ZRANB3: variants seen among roughly 807,000 people sequenced by gnomAD.
ZRANB3 encodes DNA annealing helicase and endonuclease ZRANB3.
In ZRANB3, 125 loss-of-function variants were observed where a neutral mutation model predicts 133.8. The ratio of observed to expected loss-of-function variants is 0.93; its 90% CI spans 0.81 to 1.08. The LOEUF is 1.08. Among genes scored for constraint, ZRANB3 ranks in the 50% least tolerant of loss-of-function variants. ZRANB3 has a pLI of 0.00. For synonymous variants in ZRANB3, 387 were observed against 432.7 expected, an observed-to-expected ratio of 0.89 and a Z score of 1.31; for missense variants, 1,229 against 1,275.5, an observed-to-expected ratio of 0.96 and a Z score of 0.56.
intron 12 of ZRANB3, among the ~76,000 whole-genome samples, chr2:135,256,804 G>A (rs894337800): frequency 3.9e-5 from 6 of 152,146 alleles, no homozygotes; most frequent in Admixed American, 2.0e-4. Context: ...GGCAGGACTG[G>A]TTTCACAACA....
chr2:135,319,049 G>C (rs778061926), intron 6 of ZRANB3, among the ~76,000 whole-genome samples: 7 of 152,188 alleles, frequency 4.6e-5, no homozygotes, highest in Non-Finnish European at 1.0e-4. Context: ...TTAAAATGGG[G>C]TGTATACAGA....
intron 8 of ZRANB3, among the ~76,000 whole-genome samples, chr2:135,291,684 T>G (rs1681744182): frequency 1.3e-5 from 2 of 152,062 alleles, no homozygotes; most frequent in Non-Finnish European, 2.9e-5. Context: ...CATGTTGGTG[T>G]GCTGCACCCA....
In ZRANB3 at chr2:135,306,388, C is replaced by T. The variant is rs1039798800; in HGVS notation, c.966+7101G>A. ...CTGCAAGCTCCGCCTCCTGGGTTCACGCCATTCTCCTGCCTCAGCCTCCCG... is the reference window on the plus strand; with the variant it reads ...CTGCAAGCTCCGCCTCCTGGGTTCATGCCATTCTCCTGCCTCAGCCTCCCG... On this transcript the variant is annotated intron_variant, in intron 8 of 20. Coordinates refer to ENST00000264159, the MANE Select transcript of ZRANB3 (RefSeq NM_032143.4). Among the ~76,000 whole-genome samples, 53 of 142,330 alleles carry T rather than the reference C, an allele frequency of 3.7e-4. No individual in the cohort carries two copies. The South Asian group carries it at 0.011, about 30-fold the overall frequency. 93.4% of individuals were successfully genotyped at this position (142,330 alleles called of 152,430 possible).
intron 8 of ZRANB3, among the ~76,000 whole-genome samples, chr2:135,280,275 A>T (rs562035038): frequency 5.3e-5 from 8 of 152,288 alleles, no homozygotes; most frequent in East Asian, 1.9e-4. Flanking sequence ...TATCTTATTT[A>T]AAAAAATGCA....
At chr2:135,460,424 G>T (rs1037418168) in intron 2 of ZRANB3, among the ~76,000 whole-genome samples, 1 of 151,940 alleles carries the variant, frequency 6.6e-6, no homozygotes, top group South Asian at 2.1e-4. Flanking sequence ...ACCACGCCCA[G>T]CTAATTTTTA....
chr2:135,358,356 G>A (rs1477266259), intron 3 of ZRANB3, among the ~76,000 whole-genome samples: 2 of 152,268 alleles, frequency 1.3e-5, no homozygotes, highest in East Asian at 3.9e-4. Context: ...AGACAGAATA[G>A]TCTCTGAGAG....
chr2:135,221,489 C>T (rs1054830005), intron 15 of ZRANB3, among the ~76,000 whole-genome samples: 29 of 152,232 alleles, frequency 1.9e-4, no homozygotes, highest in South Asian at 4.1e-4. Flanking sequence ...TCCACCCCAA[C>T]GGGGATAAAA....
chr2:135,234,226 T>A (rs1020977268), intron 12 of ZRANB3, among the ~76,000 whole-genome samples: 6 of 152,222 alleles, frequency 3.9e-5, no homozygotes, highest in Admixed American at 6.5e-5. Context: ...AAGGGATCAA[T>A]TCAACAAGAA....
intron 7 of ZRANB3, among the ~76,000 whole-genome samples, chr2:135,313,923 C>T (rs982725923): frequency 4.6e-5 from 7 of 152,028 alleles, no homozygotes; most frequent in African/African-American, 1.2e-4. Flanking sequence ...GGAGTGCAAT[C>T]GTGCAATCTC....
intron 12 of ZRANB3, among the ~76,000 whole-genome samples, chr2:135,245,289 T>C (rs1695741057): frequency 6.6e-6 from 1 of 152,172 alleles, no homozygotes; most frequent in African/African-American, 2.4e-5. Context: ...TGCTTTCTGA[T>C]TGTAGCCTCT....
intron 2 of ZRANB3, among the ~76,000 whole-genome samples, chr2:135,465,352 T>C (rs1646574056): frequency 6.7e-6 from 1 of 148,526 alleles, no homozygotes; most frequent in African/African-American, 2.5e-5. Flanking sequence ...CAAGGTAAAA[T>C]ATCAAAGATT....
At chr2:135,473,637 T>C (rs948742610) in intron 2 of ZRANB3, among the ~76,000 whole-genome samples, 11 of 152,148 alleles carry the variant, frequency 7.2e-5, no homozygotes, top group Non-Finnish European at 1.6e-4. Context: ...TTCCACATCA[T>C]TAAGTAAGCC....
chr2:135,301,194 T>A lies in ZRANB3; in HGVS notation c.966+12295A>T, dbSNP rs868418242. Among the ~76,000 whole-genome samples the A allele has an allele frequency of 3.0e-3, 454 of 151,772 alleles. 3 individuals carry two copies. The highest frequency in any genetic ancestry group is 0.01 in the African/African-American group (422 of 41,456). On this transcript the variant is annotated intron_variant, in intron 8 of 20. Coordinates refer to ENST00000264159, the MANE Select transcript of ZRANB3 (RefSeq NM_032143.4). ...CCCAATTAATATGTTTATTTTTTTT[T>A]TTTTTTTTGAGACAGAGTTTCACTC...
chr2:135,450,406 A>G (rs1169234491), intron 2 of ZRANB3, among the ~76,000 whole-genome samples: 4 of 152,110 alleles, frequency 2.6e-5, no homozygotes, highest in African/African-American at 7.2e-5. Context: ...CTATGATACT[A>G]AAAAATTTTA....
intron 12 of ZRANB3, among the ~76,000 whole-genome samples, chr2:135,264,580 G>A (rs562742979): frequency 2.6e-5 from 4 of 152,002 alleles, no homozygotes; most frequent in Admixed American, 6.5e-5. Context: ...TTTTGGGAAC[G>A]GGGGGTCACA....
intron 1 of ZRANB3, among the ~76,000 whole-genome samples, chr2:135,526,469 T>A (rs1210983246): frequency 6.6e-6 from 1 of 152,120 alleles, no homozygotes; most frequent in Non-Finnish European, 1.5e-5. Flanking sequence ...CAACCTGATT[T>A]TTTTATTTTA....
chr2:135,449,597 G>A (rs1042419871), intron 2 of ZRANB3, among the ~76,000 whole-genome samples: 1 of 152,142 alleles, frequency 6.6e-6, no homozygotes, highest in Non-Finnish European at 1.5e-5. Flanking sequence ...TCCAGCTTGG[G>A]TAACAGAGTG....
intron 2 of ZRANB3, among the ~76,000 whole-genome samples, chr2:135,400,009 A>G (rs1687664877): frequency 6.6e-6 from 1 of 152,162 alleles, no homozygotes; most frequent in Non-Finnish European, 1.5e-5. Context: ...TGGAAGGCCA[A>G]GGCAGGCGGA....
At chr2:135,442,211 A>G (rs1423971073) in intron 2 of ZRANB3, among the ~76,000 whole-genome samples, 1 of 152,302 alleles carries the variant, frequency 6.6e-6, no homozygotes, top group East Asian at 1.9e-4. Context: ...TAATTAAACT[A>G]AAGAGCTTCT....
Sources: gnomAD v4.1 joint callset for allele counts (sites outside exome capture counted in the v4.1 genomes callset) on GRCh38, gnomAD v4.1.1 for gene constraint, MANE v1.5 for transcripts, NCBI Gene and HGNC (gene_info 2026-07-23, HGNC 2026-07-21) for gene names.